Variants in NTMT1 observed in about 807,000 individuals in gnomAD.
The protein encoded by NTMT1 is N-terminal RCC1 methyltransferase.
NTMT1 carries 8 observed loss-of-function variants against 17.5 expected under a neutral mutation model. The observed-to-expected ratio is 0.46, with a 90% CI of 0.27 to 0.82. The LOEUF (loss-of-function observed/expected upper bound fraction) is 0.82, where lower values mean the gene tolerates loss of function less well. Among genes scored for constraint, NTMT1 ranks in the 40% least tolerant of loss-of-function variants. The probability of loss-of-function intolerance (pLI) is 0.15; values close to 1 mark genes in which losing one functional copy is unlikely to be tolerated. For synonymous variants in NTMT1, 128 were observed against 126.8 expected (o/e 1.01, Z -0.06); for missense variants, 221 against 303.5 (o/e 0.73, Z 2.02).
rs1431281505 is a variant in NTMT1 at position 129,620,132 on chromosome 9, G to C, written c.-55+10954G>C. 1.4e-6 allele frequency: 2 copies of C among 1,458,342 alleles called. No homozygotes were observed. The highest frequency in any genetic ancestry group is 5.6e-5 in the Admixed American group (2 of 35,690). The allele number at this position is 1,458,342 out of a possible 1,614,324, so 90.3% of individuals were successfully genotyped here. The stretch of plus-strand genomic sequence containing the variant: ...GTGCAGGAACTCACGGAACCTGCTG[G>C]GGAGGAGCTCTCCTAGGAAGGCGCC... On this transcript the variant is annotated intron_variant, in intron 1 of 3. Coordinates refer to the NTMT1 transcript ENST00000372486. This position sits in a 1 kb window ranked among gnomAD's most constrained non-coding sequence, Gnocchi z 5.8.
intron 2 of NTMT1, chr9:129,633,318 T>C: frequency 3.5e-6 from 1 of 283,776 alleles, no homozygotes; most frequent in Non-Finnish European, 6.5e-6. Flanking sequence ...TCTTGTCTCA[T>C]GGCTGGCACT....
chr9:129,618,875 T>G (rs1176599641), intron 1 of NTMT1, among the ~76,000 whole-genome samples: 1 of 149,232 alleles, frequency 6.7e-6, no homozygotes, highest in Non-Finnish European at 1.5e-5. Flanking sequence ...TGTGTTTTTT[T>G]TTTTTTTTTT....
upstream of NTMT1, among the ~76,000 whole-genome samples, chr9:129,623,823 CTTTTCTTTTT>C (rs1247661258): frequency 1.9e-5 from 2 of 107,832 alleles, no homozygotes; most frequent in Non-Finnish European, 3.6e-5. Flanking sequence ...TTTTTCTTTT[CTTTTCTTTTT>C]TTTTTTTTTG....
At chr9:129,609,670 G>T (rs1294280759) in intron 1 of NTMT1, among the ~76,000 whole-genome samples, 1 of 151,892 alleles carries the variant, frequency 6.6e-6, no homozygotes, top group East Asian at 1.9e-4. Flanking sequence ...TGAGAGATAG[G>T]CCCCCGGAGG....
In NTMT1 at chr9:129,620,527, C is replaced by CA; in HGVS notation, c.-55+11349_-55+11350insA. On this transcript the variant is annotated intron_variant, in intron 1 of 3. Transcript: ENST00000372486. This position sits in a 1 kb window ranked among gnomAD's most constrained non-coding sequence, Gnocchi z 5.8. Reference sequence around the variant, plus strand: ...GGAAGTCTCCGTCGCCAGGGAGCCCCTTGGGCGCCAGGTCCTGGGCCCCTG... The same window carrying CA: ...GGAAGTCTCCGTCGCCAGGGAGCCCCATTGGGCGCCAGGTCCTGGGCCCCTG... The CA allele has an allele frequency of 6.9e-7, 1 of 1,446,056 alleles. No individual in the cohort carries two copies. The highest frequency in any genetic ancestry group is 1.4e-5 in the South Asian group (1 of 72,158). The allele number at this position is 1,446,056 out of a possible 1,614,324, so 89.6% of individuals were successfully genotyped here.
chr9:129,623,642 C>T (rs903693528), upstream of NTMT1, among the ~76,000 whole-genome samples: 6 of 152,120 alleles, frequency 3.9e-5, no homozygotes, highest in African/African-American at 9.7e-5. Context: ...GAGAACGCGT[C>T]GCCAAAGATA....
At chr9:129,615,349 C>T (rs1830311328) in intron 1 of NTMT1, 1 of 974,552 alleles carries the variant, frequency 1.0e-6, no homozygotes, top group Admixed American at 3.3e-5. Flanking sequence ...AGTTCAGGCA[C>T]ATCCTCTGCA....
rs907436154 is a variant in NTMT1, at chr9:129,612,343, G to A, written c.-55+3165G>A. 4 of 1,612,532 alleles carry A rather than the reference G, an allele frequency of 2.5e-6. 1 individual carries two copies. The highest frequency in any genetic ancestry group is 2.5e-6 in the Non-Finnish European group (3 of 1,178,954). ...TGTGCCCCTGGCCTTGGGTTCGCGA[G>A]TGTTCACCTCTTATCTGGCTGCAGT... On this transcript the variant is annotated intron_variant, in intron 1 of 3. Transcript: ENST00000372486.
intron 1 of NTMT1, among the ~76,000 whole-genome samples, chr9:129,629,795 G>A (rs1831068648): frequency 6.6e-6 from 1 of 152,184 alleles, no homozygotes; most frequent in Non-Finnish European, 1.5e-5. Context: ...GTCTGCGAGC[G>A]GATTCAAGAA....
Position 129,634,179 on chromosome 9 carries a change from C to G in NTMT1, c.288C>G (p.Phe96Leu). 6.2e-7 allele frequency: 1 copy of G among 1,614,192 alleles called. No individual in the cohort carries two copies. Among genetic ancestry groups the G allele is most frequent in the South Asian group, 1.1e-5 (1 of 91,078 alleles). Residue 96 changes from phenylalanine (F) to leucine (L), a missense_variant, in exon 3 of 4, where the codon TTC (phenylalanine) becomes TTG (leucine). By Grantham distance (22) the Phe-to-Leu change is conservative (BLOSUM62 0). Coordinates refer to ENST00000372483, the MANE Select transcript of NTMT1 (RefSeq NM_014064.4). ...ATATGGTCGACATAACGGAGGACTT[C>G]CTGGTTCAAGCCAAGACCTACCTGG... ...EVDMVDITED[F>L]LVQAKTYLGE...
chr9:129,615,450 G>A (rs761137585), intron 1 of NTMT1: 45 of 1,527,842 alleles, frequency 2.9e-5, no homozygotes, highest in South Asian at 7.5e-5. Flanking sequence ...TAGAACTTTC[G>A]GGAGTCTCGA....
intron 1 of NTMT1, chr9:129,612,994 A>C: frequency 7.3e-7 from 1 of 1,376,674 alleles, no homozygotes; most frequent in Non-Finnish European, 9.9e-7. Context: ...CTTGGCTCTC[A>C]GGGAGGGTCC....
intron 1 of NTMT1, chr9:129,615,704 C>G (rs926869474): frequency 2.7e-6 from 4 of 1,466,420 alleles, no homozygotes; most frequent in Non-Finnish European, 3.6e-6. Context: ...CCAGCACACA[C>G]GCACCAGCCC....
intron 1 of NTMT1, among the ~76,000 whole-genome samples, chr9:129,611,533 G>A (rs1470475329): frequency 1.3e-5 from 2 of 152,246 alleles, no homozygotes; most frequent in Non-Finnish European, 2.9e-5. Flanking sequence ...CCGGGGAAAC[G>A]CATGAGACCA....
chr9:129,624,544 C>G (rs1223841368), upstream of NTMT1, among the ~76,000 whole-genome samples: 1 of 152,342 alleles, frequency 6.6e-6, no homozygotes, highest in East Asian at 1.9e-4. Flanking sequence ...CCCCTTTCTA[C>G]CGTAGCTTTC....
chr9:129,613,616 G>A lies in NTMT1; in HGVS notation c.-55+4438G>A, dbSNP rs745685264. On this transcript the variant is annotated intron_variant, in intron 1 of 3. Transcript: ENST00000372486. The surrounding 1 kb of genome is among the most constrained non-coding windows in gnomAD (Gnocchi z 6.2). ...TGTTGGACTGCAGGAAAGAGGGCAG[G>A]GTGAGATCTCTGCCCAGGAGGAGGG... 1.2e-6 allele frequency: 2 copies of A among 1,613,784 alleles called. No individual in the cohort carries two copies. The highest frequency in any genetic ancestry group is 1.1e-5 in the South Asian group (1 of 91,070).
intron 1 of NTMT1, chr9:129,612,396 C>T (rs1167262268): frequency 3.1e-6 from 5 of 1,613,884 alleles, no homozygotes; most frequent in Non-Finnish European, 4.2e-6. Context: ...GAGATGGTAC[C>T]CCTTAGGGCA....
At chr9:129,628,062 C>G (rs1564345240) in intron 1 of NTMT1, among the ~76,000 whole-genome samples, 1 of 152,236 alleles carries the variant, frequency 6.6e-6, no homozygotes, top group Non-Finnish European at 1.5e-5. Context: ...GTTTGTCTTC[C>G]TCTCTGAGCT....
At chr9:129,624,222 T>C, upstream of NTMT1, among the ~76,000 whole-genome samples, 1 of 152,166 alleles carries the variant, frequency 6.6e-6, no homozygotes, top group Admixed American at 6.5e-5. Flanking sequence ...CGGCCAGTCC[T>C]GGGAAGGCCT....
Sources: gnomAD v4.1 joint callset for allele counts (sites outside exome capture counted in the v4.1 genomes callset) on GRCh38, gnomAD v4.1.1 for gene constraint, Gnocchi (gnomAD v3.1) non-coding constraint, MANE v1.5 for transcripts, NCBI Gene and HGNC (gene_info 2026-07-23, HGNC 2026-07-21) for gene names.